Variants in GALNT13 observed in about 807,000 individuals in gnomAD.
The protein encoded by GALNT13 is polypeptide N-acetylgalactosaminyltransferase 13.
GALNT13 carries 28 observed loss-of-function variants against 64.2 expected under a neutral mutation model. The observed-to-expected ratio is 0.44, with a 90% confidence interval of 0.32 to 0.60. The LOEUF (loss-of-function observed/expected upper bound fraction) is 0.60. Among genes scored for constraint, GALNT13 ranks in the 20% least tolerant of loss-of-function variants. The pLI is 0.05. For synonymous variants in GALNT13, 214 were observed against 224.6 expected, an observed-to-expected ratio of 0.95 and a Z score of 0.42; for missense variants, 577 against 669.8, an observed-to-expected ratio of 0.86 and a Z score of 1.53.
At chr2:153,912,162 C>G (rs565599232) in intron 2 of GALNT13, among the ~76,000 whole-genome samples, 1 of 152,180 alleles carries the variant, frequency 6.6e-6, no homozygotes, top group East Asian at 1.9e-4. Context: ...AGTATTCAGG[C>G]TCTGAAATTC....
At chr2:153,863,432 G>T in the GALNT13 span, among the ~76,000 whole-genome samples, 1 of 152,070 alleles carries the variant, frequency 6.6e-6, no homozygotes, top group Non-Finnish European at 1.5e-5. Flanking sequence ...TTGGATAAAA[G>T]ACGTAATTGT....
the GALNT13 span, among the ~76,000 whole-genome samples, chr2:153,565,650 T>A: frequency 1.3e-5 from 2 of 152,080 alleles, no homozygotes; most frequent in Admixed American, 6.6e-5. Context: ...TTGGAGAAAA[T>A]GATGTTATTT....
At chr2:153,248,436 A>C in the GALNT13 span, among the ~76,000 whole-genome samples, 3 of 152,324 alleles carry the variant, frequency 2.0e-5, no homozygotes, top group African/African-American at 4.8e-5. Flanking sequence ...ATAATTTATC[A>C]TATAAACAGA....
At chr2:153,642,526 A>G in the GALNT13 span, among the ~76,000 whole-genome samples, 31 of 152,066 alleles carry the variant, frequency 2.0e-4, 1 homozygote, top group Middle Eastern at 3.4e-3. Context: ...CCAAAAAGAT[A>G]AAAGAAATTC....
At chr2:154,133,580 A>ATATATATATATATG (rs1249623892) in intron 3 of GALNT13, among the ~76,000 whole-genome samples, 1 of 123,576 alleles carries the variant, frequency 8.1e-6, no homozygotes, top group Non-Finnish European at 1.6e-5. Flanking sequence ...ATATATATAT[A>ATATATATATATATG]TATATCTGAG....
intron 4 of GALNT13, among the ~76,000 whole-genome samples, chr2:154,210,428 T>C (rs1020574590): frequency 4.6e-5 from 7 of 152,204 alleles, no homozygotes; most frequent in African/African-American, 1.4e-4. Flanking sequence ...TCATAATGGC[T>C]GTACTAATGT....
chr2:153,519,441 C>T, the GALNT13 span, among the ~76,000 whole-genome samples: 2 of 152,146 alleles, frequency 1.3e-5, no homozygotes, highest in African/African-American at 4.8e-5. Flanking sequence ...TCTTAGATTT[C>T]CAATTGGCTA....
the GALNT13 span, among the ~76,000 whole-genome samples, chr2:153,552,728 C>G: frequency 6.6e-6 from 1 of 151,876 alleles, no homozygotes; most frequent in East Asian, 1.9e-4. Flanking sequence ...CTTTTTGGTA[C>G]CAGGGACCAG....
chr2:153,280,685 T>C, the GALNT13 span, among the ~76,000 whole-genome samples: 1 of 152,318 alleles, frequency 6.6e-6, no homozygotes, highest in South Asian at 2.1e-4. Flanking sequence ...AGTGATTTAT[T>C]TGGCAATGGT....
At chr2:153,173,783 C>T in the GALNT13 span, among the ~76,000 whole-genome samples, 2 of 152,118 alleles carry the variant, frequency 1.3e-5, no homozygotes, top group Non-Finnish European at 2.9e-5. Flanking sequence ...AAATCAAAGT[C>T]TCAAATCTCA....
chr2:153,735,631 A>G, the GALNT13 span, among the ~76,000 whole-genome samples: 1 of 152,180 alleles, frequency 6.6e-6, no homozygotes, highest in Admixed American at 6.5e-5. Context: ...ATCCTGGATC[A>G]TGTGCCACAT....
intron 10 of GALNT13, among the ~76,000 whole-genome samples, chr2:154,406,885 A>G (rs1246864951): frequency 1.3e-5 from 2 of 152,232 alleles, no homozygotes; most frequent in Non-Finnish European, 2.9e-5. Flanking sequence ...GAATAAATGA[A>G]TTCACAAGAG....
At chr2:153,175,024 C>A in the GALNT13 span, among the ~76,000 whole-genome samples, 1 of 152,080 alleles carries the variant, frequency 6.6e-6, no homozygotes, top group Non-Finnish European at 1.5e-5. Context: ...GGTGTTTGAT[C>A]AAACAACTGG....
the GALNT13 span, among the ~76,000 whole-genome samples, chr2:153,155,565 A>G: frequency 6.6e-6 from 1 of 152,060 alleles, no homozygotes; most frequent in Non-Finnish European, 1.5e-5. Flanking sequence ...GGTCAGTGGT[A>G]ATATCCCTCT....
intron 3 of GALNT13, among the ~76,000 whole-genome samples, chr2:154,128,609 A>T (rs989100772): frequency 7.3e-4 from 111 of 152,222 alleles, no homozygotes; most frequent in African/African-American, 2.6e-3. Context: ...AAAATGTTGG[A>T]ATGTCCAAAA....
intron 9 of GALNT13, among the ~76,000 whole-genome samples, chr2:154,341,508 T>C (rs987284634): frequency 6.6e-6 from 1 of 152,014 alleles, no homozygotes; most frequent in South Asian, 2.1e-4. Flanking sequence ...CAAAAAAAGA[T>C]AGTATATTCC....
the GALNT13 span, among the ~76,000 whole-genome samples, chr2:153,626,052 C>A: frequency 6.6e-6 from 1 of 152,026 alleles, no homozygotes; most frequent in Non-Finnish European, 1.5e-5. Flanking sequence ...TATATTAATT[C>A]TTTCAAGAAT....
At chr2:154,399,374 T>G (rs1422779825) in intron 10 of GALNT13, among the ~76,000 whole-genome samples, 1 of 152,150 alleles carries the variant, frequency 6.6e-6, no homozygotes, top group Non-Finnish European at 1.5e-5. Context: ...TTCTGGAGAT[T>G]AGGAAGTCCA....
intron 3 of GALNT13, among the ~76,000 whole-genome samples, chr2:153,980,636 G>A (rs937368806): frequency 2.6e-5 from 4 of 152,092 alleles, no homozygotes; most frequent in East Asian, 3.9e-4. Flanking sequence ...GTTTTGAGTC[G>A]GCAATTGGAT....
Sources: gnomAD v4.1 joint callset for allele counts (sites outside exome capture counted in the v4.1 genomes callset) on GRCh38, gnomAD v4.1.1 for gene constraint, MANE v1.5 for transcripts, NCBI Gene and HGNC (gene_info 2026-07-23, HGNC 2026-07-21) for gene names.